SPATA13: variants seen among roughly 807,000 people sequenced by gnomAD.
SPATA13 encodes the protein spermatogenesis-associated protein 13.
In SPATA13, 50 loss-of-function variants were observed where a neutral mutation model predicts 104.0. The ratio of observed to expected loss-of-function variants is 0.48; its 90% CI spans 0.38 to 0.61. The LOEUF (loss-of-function observed/expected upper bound fraction) is 0.61. SPATA13 is among the 20% of genes least tolerant of loss of function. The probability of loss-of-function intolerance (pLI) is 0.00; values close to 1 mark genes in which losing one functional copy is unlikely to be tolerated. For synonymous variants in SPATA13, 606 were observed against 667.5 expected (o/e 0.91, Z 1.42); for missense variants, 1,524 against 1,690.6 (o/e 0.90, Z 1.73).
At chr13:24,271,896 C>T (rs772598598) in intron 4 of SPATA13, among the ~76,000 whole-genome samples, 7 of 152,112 alleles carry the variant, frequency 4.6e-5, no homozygotes, top group Non-Finnish European at 7.3e-5. Flanking sequence ...GATGTGGTTA[C>T]GGCTTCTGTG....
chr13:24,158,865 G>C (rs1882344524), upstream of SPATA13, among the ~76,000 whole-genome samples: 2 of 152,202 alleles, frequency 1.3e-5, no homozygotes, highest in African/African-American at 4.8e-5. Context: ...GGGCCTCAAG[G>C]ATGCGGGGGT....
intron 4 of SPATA13, among the ~76,000 whole-genome samples, chr13:24,269,933 AC>A (rs1356150451): frequency 6.6e-6 from 1 of 150,872 alleles, no homozygotes. Context: ...TGTTGCCCAG[AC>A]TGGTCATGAA....
chr13:24,031,018 CTA>C (rs1351003660), intron 3 of SPATA13, among the ~76,000 whole-genome samples: 30 of 152,228 alleles, frequency 2.0e-4, no homozygotes, highest in Non-Finnish European at 1.5e-5. Context: ...TCTCCAAAGC[CTA>C]TGTTTTCACC....
intron 1 of SPATA13, among the ~76,000 whole-genome samples, chr13:24,166,198 C>G (rs1223624453): frequency 6.6e-6 from 1 of 152,142 alleles, no homozygotes; most frequent in Non-Finnish European, 1.5e-5. Context: ...GTACTAGATG[C>G]TGAAGATGGA....
chr13:24,096,491 C>T (rs112012446), intron 3 of SPATA13, among the ~76,000 whole-genome samples: 7,599 of 151,928 alleles, frequency 0.05, 460 homozygotes, highest in African/African-American at 0.15. Context: ...CCAAGCTACT[C>T]GGGAGGCTGA....
chr13:24,264,210 A>G (rs145250073), intron 4 of SPATA13, among the ~76,000 whole-genome samples: 333 of 152,302 alleles, frequency 2.2e-3, no homozygotes, highest in African/African-American at 7.0e-3. Context: ...CTCAACAGCT[A>G]GAGTTAAAAA....
intron 1 of SPATA13, among the ~76,000 whole-genome samples, chr13:24,194,695 G>GT (rs1474321596): frequency 6.6e-6 from 1 of 152,166 alleles, no homozygotes; most frequent in Non-Finnish European, 1.5e-5. Flanking sequence ...TTCTAACACT[G>GT]TTTATTCTAT....
Position 24,224,148 on chromosome 13 carries a change from A to T in SPATA13, c.1219A>T (p.Thr407Ser). 1 of 1,551,736 alleles carries T rather than the reference A, an allele frequency of 6.4e-7. No individual in the cohort carries two copies. ...TAAGGGGCCCCACCTAGACGCTGAC[A>T]CTGCCGTATTTCCTCTTGAAACCAA... is the stretch of plus-strand genomic sequence containing the variant. ...TSKGPHLDAD[T>S]AVFPLETKSS... Residue 407 changes from threonine to serine, a missense_variant, in exon 2 of 13, where the codon ACT (threonine) becomes TCT (serine). By Grantham distance (58) the Thr-to-Ser change is moderately conservative (BLOSUM62 1). Around this residue, in one of 2 missense-constraint regions of SPATA13, gnomAD observed 1,089 missense variants for 1,135.9 expected, o/e 0.96. Coordinates refer to ENST00000382108, the MANE Select transcript of SPATA13 (RefSeq NM_001166271.3).
chr13:24,072,680 C>T (rs2137767870), intron 3 of SPATA13, among the ~76,000 whole-genome samples: 1 of 152,296 alleles, frequency 6.6e-6, no homozygotes, highest in East Asian at 1.9e-4. Flanking sequence ...CAGTGACCTG[C>T]TTGCCAAACC....
chr13:24,214,835 T>G (rs1479696762), intron 1 of SPATA13, among the ~76,000 whole-genome samples: 2 of 152,244 alleles, frequency 1.3e-5, no homozygotes, highest in Admixed American at 6.5e-5. Context: ...ATTCAACATA[T>G]TTAAGTATTA....
rs761206660 is a variant in SPATA13, at chr13:24,297,380, C to T, written c.3228C>T (p.Asp1076=). Residue 1076 remains aspartate, a synonymous_variant, in exon 11 of 13, where the codon GAC becomes GAT. Coordinates refer to ENST00000382108, the MANE Select transcript of SPATA13 (RefSeq NM_001166271.3). ...IVGWEGLDIL[D]RSSELIHSGE... is the part of the protein sequence containing the mutation. ...CCTTCCAGGGACTGGATATCTTAGA[C>T]CGAAGCTCAGAATTGATTCATTCTG... 3 of 1,610,806 alleles carry T rather than the reference C, an allele frequency of 1.9e-6. No homozygotes were observed. Among genetic ancestry groups the T allele is most frequent in the African/African-American group, 1.3e-5 (1 of 75,004 alleles).
intron 1 of SPATA13, among the ~76,000 whole-genome samples, chr13:23,980,255 G>A (rs370727012): frequency 4.6e-5 from 7 of 152,224 alleles, no homozygotes; most frequent in Non-Finnish European, 1.0e-4. Flanking sequence ...TAGGGGCGCC[G>A]GGGCAGTAGT....
At chr13:24,290,276 G>A (rs74040655) in intron 8 of SPATA13, among the ~76,000 whole-genome samples, 292 of 152,312 alleles carry the variant, frequency 1.9e-3, no homozygotes, top group African/African-American at 6.4e-3. Context: ...AATAAGCAAC[G>A]ATTAAAACTG....
At chr13:24,178,840 T>G (rs1868607157) in intron 1 of SPATA13, among the ~76,000 whole-genome samples, 1 of 152,208 alleles carries the variant, frequency 6.6e-6, no homozygotes, top group South Asian at 2.1e-4. Context: ...TTTTAGTGTA[T>G]CCACGGAGTC....
intron 1 of SPATA13, among the ~76,000 whole-genome samples, chr13:23,983,205 T>G (rs4770536): frequency 0.14 from 20,662 of 151,726 alleles, 1,790 homozygotes; most frequent in Admixed American, 0.26. Flanking sequence ...TGGGGGCTGG[T>G]AGTCCGAGAT....
chr13:24,211,044 A>G (rs1870984824), intron 1 of SPATA13, among the ~76,000 whole-genome samples: 1 of 152,146 alleles, frequency 6.6e-6, no homozygotes, highest in Admixed American at 6.5e-5. Flanking sequence ...TTCAGATAGT[A>G]CATTGTTAGT....
chr13:24,137,659 T>C (rs766036487), intron 3 of SPATA13, among the ~76,000 whole-genome samples: 2 of 152,114 alleles, frequency 1.3e-5, no homozygotes, highest in Non-Finnish European at 2.9e-5. Flanking sequence ...CTTGTGCGGC[T>C]GAGACAGGAA....
intron 3 of SPATA13, among the ~76,000 whole-genome samples, chr13:24,065,655 A>G: frequency 6.6e-6 from 1 of 152,202 alleles, no homozygotes; most frequent in Non-Finnish European, 1.5e-5. Context: ...TATATCAACA[A>G]TTTATTATTG....
At chr13:24,074,595 G>C (rs886490261) in intron 3 of SPATA13, among the ~76,000 whole-genome samples, 6 of 151,866 alleles carry the variant, frequency 4.0e-5, no homozygotes, top group African/African-American at 9.7e-5. Context: ...TGTGAGTTAG[G>C]AGTTATTATT....
Sources: allele counts gnomAD v4.1 joint callset (sites outside exome capture counted in the v4.1 genomes callset), GRCh38; gene constraint gnomAD v4.1.1; regional missense constraint gnomAD v4.1.1; transcripts MANE v1.5; gene names NCBI Gene and HGNC (gene_info 2026-07-23, HGNC 2026-07-21).